FIRRM: variants seen among roughly 807,000 people sequenced by gnomAD.
The protein encoded by FIRRM is FIGNL1 interacting regulator of recombination and mitosis, also known as FIGNL1-interacting regulator of recombination and mitosis.
chr1:169,843,737 A>C, the FIRRM span: 1 of 1,611,014 alleles, frequency 6.2e-7, no homozygotes, highest in Non-Finnish European at 8.5e-7. Context: ...GGGATTTTTC[A>C]TTCAAACTCT....
At chr1:169,833,885 G>T in the FIRRM span, among the ~76,000 whole-genome samples, 1 of 133,886 alleles carries the variant, frequency 7.5e-6, no homozygotes, top group Admixed American at 8.5e-5. Flanking sequence ...TAGAGACAGG[G>T]TCTGGTTATG....
chr1:169,815,365 T>G, the FIRRM span, among the ~76,000 whole-genome samples: 14 of 152,032 alleles, frequency 9.2e-5, no homozygotes, highest in African/African-American at 2.7e-4. Context: ...GTCTCCTGGT[T>G]GGCCACTTTT....
At chr1:169,793,328 CCT>C in the FIRRM span, 1 of 1,614,146 alleles carries the variant, frequency 6.2e-7, no homozygotes, top group South Asian at 1.1e-5. Flanking sequence ...ATGCTGGAAA[CCT>C]GGTAATGTTT....
At chr1:169,817,828 T>C in the FIRRM span, among the ~76,000 whole-genome samples, 1 of 152,214 alleles carries the variant, frequency 6.6e-6, no homozygotes, top group Non-Finnish European at 1.5e-5. Flanking sequence ...TTACAACTCT[T>C]TACAATTTTT....
At chr1:169,807,113 G>C in the FIRRM span, among the ~76,000 whole-genome samples, 4 of 152,142 alleles carry the variant, frequency 2.6e-5, no homozygotes, top group Admixed American at 2.6e-4. Flanking sequence ...AATCCTCTGT[G>C]GATGCTGCCT....
the FIRRM span, among the ~76,000 whole-genome samples, chr1:169,803,750 C>G: frequency 6.6e-6 from 1 of 152,160 alleles, no homozygotes; most frequent in Non-Finnish European, 1.5e-5. Flanking sequence ...GGGTCACAGA[C>G]AGTTTTAATA....
chr1:169,799,098 A>G, the FIRRM span: 2 of 383,082 alleles, frequency 5.2e-6, no homozygotes, highest in East Asian at 3.8e-5. Flanking sequence ...TATAACCTTC[A>G]GTTACTTGAA....
chr1:169,795,588 G>A, the FIRRM span: 1 of 1,025,190 alleles, frequency 9.8e-7, no homozygotes, highest in Non-Finnish European at 1.2e-6. Flanking sequence ...TATGACGATA[G>A]CTCTGGCTCT....
the FIRRM span, chr1:169,836,885 C>G: frequency 3.3e-6 from 5 of 1,496,292 alleles, no homozygotes; most frequent in Non-Finnish European, 4.6e-6. Flanking sequence ...ATTCCTCTGA[C>G]TTGTCTCATG....
At chr1:169,850,158 C>G in the FIRRM span, 3 of 674,420 alleles carry the variant, frequency 4.4e-6, no homozygotes, top group Non-Finnish European at 7.8e-6. Context: ...CTCTGGGACT[C>G]TTACTTAAAA....
chr1:169,807,379 A>AT, the FIRRM span, among the ~76,000 whole-genome samples: 1 of 152,234 alleles, frequency 6.6e-6, no homozygotes, highest in South Asian at 2.1e-4. Flanking sequence ...AATAAGTTAG[A>AT]TTAGGTCTCT....
At chr1:169,830,263 C>T in the FIRRM span, 6 of 1,609,040 alleles carry the variant, frequency 3.7e-6, no homozygotes, top group Admixed American at 8.4e-5. Context: ...GATTAGGATG[C>T]TGCTCTGCTG....
chr1:169,845,764 C>G, the FIRRM span, among the ~76,000 whole-genome samples: 1 of 152,106 alleles, frequency 6.6e-6, no homozygotes, highest in Non-Finnish European at 1.5e-5. Context: ...CTATTTCTAC[C>G]ACATCTGCAG....
chr1:169,851,985 C>G, the FIRRM span: 1 of 1,612,960 alleles, frequency 6.2e-7, no homozygotes, highest in South Asian at 1.1e-5. Flanking sequence ...GCAAATTCTG[C>G]CCTTTTTACT....
chr1:169,849,792 C>T, the FIRRM span: 11 of 575,666 alleles, frequency 1.9e-5, no homozygotes, highest in Admixed American at 3.1e-5. Context: ...AAGTGAATTT[C>T]GTAAGGTCCT....
chr1:169,828,305 G>A, the FIRRM span, among the ~76,000 whole-genome samples: 3 of 152,048 alleles, frequency 2.0e-5, no homozygotes. Flanking sequence ...TGCGTACCAC[G>A]ATGAGGTTAG....
the FIRRM span, among the ~76,000 whole-genome samples, chr1:169,819,282 G>T: frequency 1.3e-5 from 2 of 152,332 alleles, no homozygotes; most frequent in East Asian, 3.9e-4. Flanking sequence ...CTCAATGGGG[G>T]TTGAGGGGAA....
the FIRRM span, among the ~76,000 whole-genome samples, chr1:169,824,437 A>G: frequency 6.6e-6 from 1 of 152,182 alleles, no homozygotes. Flanking sequence ...CATCTTAACA[A>G]TACAAAACAA....
At chr1:169,848,155 G>A in the FIRRM span, among the ~76,000 whole-genome samples, 51 of 152,134 alleles carry the variant, frequency 3.4e-4, 1 homozygote, top group Middle Eastern at 3.4e-3. Flanking sequence ...TATTCTCTTC[G>A]TTTTTTATCC....
Sources: gnomAD v4.1 joint callset for allele counts (sites outside exome capture counted in the v4.1 genomes callset) on GRCh38, gnomAD v4.1.1 for gene constraint, MANE v1.5 for transcripts, NCBI Gene and HGNC (gene_info 2026-07-23, HGNC 2026-07-21) for gene names.